The following SYNJ2 variants were observed in gnomAD, a reference collection of about 807,000 sequenced individuals.
SYNJ2 encodes synaptojanin 2.
A neutral mutation model predicts 141.3 loss-of-function variants in SYNJ2; 116 were observed. The ratio of observed to expected loss-of-function variants is 0.82; its 90% CI spans 0.71 to 0.96. The LOEUF is 0.96. Ranked by LOEUF, SYNJ2 falls within the 40% of genes least tolerant of loss-of-function variation. The pLI is 0.00. For missense variants in SYNJ2, 1,873 were observed against 1,934.8 expected, an observed-to-expected ratio of 0.97 and a Z score of 0.60; for synonymous variants, 745 against 777.7, an observed-to-expected ratio of 0.96 and a Z score of 0.70.
At chr6:158,000,147 G>A (rs1777789357) in intron 1 of SYNJ2, among the ~76,000 whole-genome samples, 1 of 137,184 alleles carries the variant, frequency 7.3e-6, no homozygotes, top group Admixed American at 8.0e-5. Context: ...TTGGTAAAGT[G>A]GAGGAAGCTG....
At chr6:158,013,316 G>A (rs1778333537) in intron 1 of SYNJ2, among the ~76,000 whole-genome samples, 1 of 152,180 alleles carries the variant, frequency 6.6e-6, no homozygotes, top group Non-Finnish European at 1.5e-5. Flanking sequence ...AGGAGGTGGA[G>A]GTTACAGTGA....
chr6:158,032,342 G>A (rs1430347540), intron 3 of SYNJ2, among the ~76,000 whole-genome samples: 1 of 152,236 alleles, frequency 6.6e-6, no homozygotes, highest in Non-Finnish European at 1.5e-5. Context: ...AGGCTCAAGG[G>A]CAGGAATTGT....
intron 5 of SYNJ2, among the ~76,000 whole-genome samples, chr6:158,051,245 A>G (rs1232746948): frequency 6.6e-6 from 1 of 152,050 alleles, no homozygotes; most frequent in Non-Finnish European, 1.5e-5. Flanking sequence ...GCTGCTGCTC[A>G]TTGCTGAAGC....
Position 158,043,221 on chromosome 6 carries a change from G to A in SYNJ2, c.712-95G>A. The A allele has an allele frequency of 1.9e-6, 2 of 1,062,762 alleles. No homozygotes were observed. Among genetic ancestry groups the A allele is most frequent in the Non-Finnish European group, 1.4e-6 (1 of 701,084 alleles). 65.8% of individuals were successfully genotyped at this position (1,062,762 alleles called of 1,614,324 possible). On this transcript the variant is annotated intron_variant, in intron 4 of 26. Coordinates refer to ENST00000355585, the MANE Select transcript of SYNJ2 (RefSeq NM_003898.4). The surrounding 1 kb of genome is among the most constrained non-coding windows in gnomAD (Gnocchi z 4.0). ...CACCGTCCGCCCTTCATTCTGGCTGGTGTCGGGTCACAGGTGGCCGGATCC... is the reference window on the plus strand; with the variant it reads ...CACCGTCCGCCCTTCATTCTGGCTGATGTCGGGTCACAGGTGGCCGGATCC...
intron 1 of SYNJ2, among the ~76,000 whole-genome samples, chr6:158,008,252 C>G (rs1018408275): frequency 4.3e-4 from 66 of 152,214 alleles, no homozygotes; most frequent in Non-Finnish European, 7.9e-4. Context: ...GGATTACAGG[C>G]ATGAGCCACC....
At chr6:158,008,257 G>C (rs1014241983) in intron 1 of SYNJ2, among the ~76,000 whole-genome samples, 2 of 152,156 alleles carry the variant, frequency 1.3e-5, no homozygotes, top group Non-Finnish European at 2.9e-5. Flanking sequence ...ACAGGCATGA[G>C]CCACCACGTC....
chr6:158,076,985 T>C (rs1210417746), intron 17 of SYNJ2, among the ~76,000 whole-genome samples: 1 of 151,948 alleles, frequency 6.6e-6, no homozygotes, highest in Non-Finnish European at 1.5e-5. Flanking sequence ...GGCCTCTTTT[T>C]TTCCCTTTTC....
At chr6:158,030,125 C>A (rs1779285117) in intron 3 of SYNJ2, among the ~76,000 whole-genome samples, 1 of 152,212 alleles carries the variant, frequency 6.6e-6, no homozygotes, top group African/African-American at 2.4e-5. Flanking sequence ...CACTCCACAG[C>A]AGGACAGAGA....
intron 4 of SYNJ2, among the ~76,000 whole-genome samples, chr6:158,038,450 G>A (rs1157006001): frequency 6.6e-6 from 1 of 152,236 alleles, no homozygotes; most frequent in East Asian, 1.9e-4. Context: ...GAGATGCGTA[G>A]CGGGGCCCCA....
intron 5 of SYNJ2, among the ~76,000 whole-genome samples, chr6:158,046,394 G>A (rs543580956): frequency 1.8e-4 from 28 of 152,282 alleles, no homozygotes; most frequent in Non-Finnish European, 3.7e-4. Context: ...ACAGGGGGCC[G>A]GGAGGGCAGC....
intron 1 of SYNJ2, among the ~76,000 whole-genome samples, chr6:158,004,267 A>G (rs1777968099): frequency 6.6e-6 from 1 of 152,180 alleles, no homozygotes; most frequent in Non-Finnish European, 1.5e-5. Context: ...AGGATGAGAT[A>G]AGAGGTCAGC....
intron 4 of SYNJ2, among the ~76,000 whole-genome samples, chr6:158,039,800 TCCAGTA>T (rs1175978001): frequency 3.4e-4 from 51 of 152,152 alleles, no homozygotes; most frequent in African/African-American, 1.2e-3. Flanking sequence ...GTGCTGAGCC[TCCAGTA>T]GGAAGGAGGA....
Position 158,083,525 on chromosome 6 carries a change from G to C in SYNJ2, c.2962G>C (p.Val988Leu), listed in dbSNP as rs143886244. Residue 988 changes from valine (V) to leucine (L), a missense_variant, in exon 21 of 27, where the codon GTG (valine) becomes CTG (leucine). Coordinates refer to ENST00000355585, the MANE Select transcript of SYNJ2 (RefSeq NM_003898.4). ...IIRKRDSMAP[V>L]SPTANSCLLE... ...TCGGAAACGAGACAGCATGGCCCCCGTGTCTCCCACTGCCAACTCCTGTTT... is the reference window on the plus strand; with the variant it reads ...TCGGAAACGAGACAGCATGGCCCCCCTGTCTCCCACTGCCAACTCCTGTTT... 9.7e-5 allele frequency: 156 copies of C among 1,614,040 alleles called. No individual in the cohort carries two copies. The highest frequency in any genetic ancestry group is 1.9e-4 in the African/African-American group (14 of 74,906).
intron 2 of SYNJ2, among the ~76,000 whole-genome samples, chr6:158,019,151 C>A (rs2128328879): frequency 6.6e-6 from 1 of 152,352 alleles, no homozygotes; most frequent in South Asian, 2.1e-4. Context: ...TGGCTTCCTT[C>A]AGTTATAGTT....
intron 2 of SYNJ2, among the ~76,000 whole-genome samples, chr6:158,025,378 T>A (rs1778986244): frequency 6.6e-6 from 1 of 152,154 alleles, no homozygotes. Flanking sequence ...ACCACACTCT[T>A]TTAAAGGGTA....
chr6:158,068,694 G>T lies in SYNJ2; in HGVS notation c.1765G>T (p.Val589Leu), dbSNP rs1781717503. The T allele has an allele frequency of 6.2e-7, 1 of 1,614,122 alleles. No homozygotes were observed. Among genetic ancestry groups the T allele is most frequent in the South Asian group, 1.1e-5 (1 of 91,094 alleles). The change falls in exon 13 of 27, where the codon GTG becomes TTG. Residue 589 changes from valine to leucine, a missense_variant. Transcript: ENST00000355585. The stretch of plus-strand genomic sequence containing the variant: ...ATTTGCTGTGGGGTTTGAAGAGATG[G>T]TGGAATTGAGCGCAGGGAATATTGT... ...DIFAVGFEEM[V>L]ELSAGNIVNA...
intron 1 of SYNJ2, among the ~76,000 whole-genome samples, chr6:158,009,170 C>T (rs193139782): frequency 2.0e-5 from 3 of 152,326 alleles, no homozygotes; most frequent in Admixed American, 2.0e-4. Context: ...CTTCCCCTTC[C>T]CCACTATTCA....
intron 2 of SYNJ2, among the ~76,000 whole-genome samples, chr6:158,021,849 G>C (rs1215935173): frequency 6.6e-6 from 1 of 152,204 alleles, no homozygotes; most frequent in Non-Finnish European, 1.5e-5. Flanking sequence ...ATTACCAAGA[G>C]AGTTGACACC....
At chr6:158,041,466 T>C (rs559046194) in intron 4 of SYNJ2, among the ~76,000 whole-genome samples, 13 of 152,330 alleles carry the variant, frequency 8.5e-5, no homozygotes, top group African/African-American at 3.1e-4. Context: ...GGGGTGCAGA[T>C]GTCACCTACT....
Sources: allele counts gnomAD v4.1 joint callset (sites outside exome capture counted in the v4.1 genomes callset), GRCh38; gene constraint gnomAD v4.1.1; non-coding constraint Gnocchi (gnomAD v3.1); transcripts MANE v1.5; gene names NCBI Gene and HGNC (gene_info 2026-07-23, HGNC 2026-07-21).